PDE1A: variants seen among roughly 807,000 people sequenced by gnomAD.
PDE1A encodes the protein dual specificity calcium/calmodulin-dependent 3',5'-cyclic nucleotide phosphodiesterase 1A.
In PDE1A, 35 loss-of-function variants were observed where a neutral mutation model predicts 61.7. That is an observed-to-expected ratio of 0.57 (90% confidence interval 0.43 to 0.75). The LOEUF is 0.75. PDE1A is among the 30% of genes least tolerant of loss of function. The pLI, the probability that PDE1A is intolerant of heterozygous loss-of-function variation, is 0.00. For synonymous variants in PDE1A, 232 were observed against 213.2 expected (o/e 1.09, Z -0.77); for missense variants, 597 against 630.6 (o/e 0.95, Z 0.57).
intron 2 of PDE1A, among the ~76,000 whole-genome samples, chr2:182,483,265 A>G (rs1037427791): frequency 2.0e-5 from 3 of 151,970 alleles, no homozygotes; most frequent in Non-Finnish European, 4.4e-5. Context: ...TCAATATTTG[A>G]TAGAAAAACT....
chr2:182,690,098 G>A, the PDE1A span, among the ~76,000 whole-genome samples: 1 of 152,110 alleles, frequency 6.6e-6, no homozygotes, highest in African/African-American at 2.4e-5. Context: ...TTCTACCAGA[G>A]GTATAAGGAG....
At chr2:182,223,823 C>A in intron 7 of PDE1A, 41 bp downstream of exon 7, 1 of 1,176,652 alleles carries the variant, frequency 8.5e-7, no homozygotes, top group South Asian at 1.5e-5. Context: ...AAATAAATTT[C>A]AAATTTTAAC....
the PDE1A span, among the ~76,000 whole-genome samples, chr2:182,605,822 A>T: frequency 4.6e-5 from 7 of 152,222 alleles, no homozygotes; most frequent in Admixed American, 1.3e-4. Context: ...GTAGCTTCGA[A>T]CTAAATGTTA....
the PDE1A span, among the ~76,000 whole-genome samples, chr2:182,658,068 A>AAC: frequency 7.3e-5 from 8 of 109,782 alleles, no homozygotes; most frequent in African/African-American, 2.3e-4. Context: ...AAAAAAAAAA[A>AAC]AAAACAAAAA....
chr2:182,369,533 C>A (rs1021473275), intron 1 of PDE1A, among the ~76,000 whole-genome samples: 14 of 151,992 alleles, frequency 9.2e-5, no homozygotes, highest in African/African-American at 3.4e-4. Context: ...ACCAAGATTA[C>A]CTCTAGTGAA....
At chr2:182,644,651 G>T in the PDE1A span, among the ~76,000 whole-genome samples, 14 of 152,118 alleles carry the variant, frequency 9.2e-5, no homozygotes, top group East Asian at 2.7e-3. Context: ...ACGTCATCTC[G>T]CTGAGCCTGA....
rs186631386 is a variant in PDE1A, at chr2:182,219,324, G to A, written c.776+4540C>T. Reference sequence around the variant, plus strand: ...GAAATAAATTGGTATACTTCAAGTTGCATTGATGAATTTGGTATTCTAACT... The same window carrying A: ...GAAATAAATTGGTATACTTCAAGTTACATTGATGAATTTGGTATTCTAACT... On this transcript the variant is annotated intron_variant, in intron 7 of 13. Coordinates refer to ENST00000351439, the Ensembl canonical transcript of PDE1A. Among the ~76,000 whole-genome samples, 34 of 152,066 alleles carry A rather than the reference G, an allele frequency of 2.2e-4. No individual in the cohort carries two copies. In the East Asian group the frequency reaches 6.4e-3, roughly 28 times the overall value.
chr2:182,516,743 A>AGGAAGGAAGGAAGGAAGGAAGGAAGGAG (rs57365248), intron 2 of PDE1A, among the ~76,000 whole-genome samples: 1 of 121,704 alleles, frequency 8.2e-6, no homozygotes, highest in African/African-American at 3.2e-5. Context: ...GAAGGAAGGA[A>AGGAAGGAAGGAAGGAAGGAAGGAAGGAG]AAAGAGAGAA....
At chr2:182,426,188 G>C (rs999446739) in intron 1 of PDE1A, among the ~76,000 whole-genome samples, 1 of 152,168 alleles carries the variant, frequency 6.6e-6, no homozygotes, top group African/African-American at 2.4e-5. Flanking sequence ...CTCCAGAAAG[G>C]TGTAGTATTC....
chr2:182,709,977 AC>A, the PDE1A span, among the ~76,000 whole-genome samples: 4 of 151,784 alleles, frequency 2.6e-5, no homozygotes, highest in African/African-American at 9.7e-5. Flanking sequence ...GCTCACCACA[AC>A]CTCCGACTCC....
At chr2:182,324,198 C>T (rs913279085) in intron 1 of PDE1A, among the ~76,000 whole-genome samples, 11 of 151,806 alleles carry the variant, frequency 7.2e-5, no homozygotes, top group Middle Eastern at 3.2e-3. Flanking sequence ...ATTTCAGTTT[C>T]GTTGAGGAGG....
At position 182,516,702 on chromosome 2, in the gene PDE1A, GAGGAAGGAAGGAAGGAAGGAAGGA is replaced by G. The variant is rs199731099; in HGVS notation, c.101+5550_101+5573del. On this transcript the variant is annotated intron_variant, in intron 2 of 14. Transcript: ENST00000410103. ...GAGGGAAGGAGGGAAGGGAGGAAGG[GAGGAAGGAAGGAAGGAAGGAAGGA>G]AGGAAGGAAGGAAGGAAAAAGAGAG... 4.3e-5 allele frequency among the ~76,000 whole-genome samples: 5 copies of G among 116,848 alleles called. No individual in the cohort carries two copies. In the East Asian group the frequency reaches 7.3e-4, roughly 17 times the overall value. 76.7% of individuals were successfully genotyped at this position (116,848 alleles called of 152,430 possible). A position where few individuals can be genotyped will look rare whatever the true frequency, so the allele number is the denominator to read the frequency against.
At chr2:182,367,734 TA>T (rs1699915157) in intron 1 of PDE1A, among the ~76,000 whole-genome samples, 1 of 151,808 alleles carries the variant, frequency 6.6e-6, no homozygotes, top group African/African-American at 2.4e-5. Context: ...ATTGAAAAAA[TA>T]AAATTATATT....
At chr2:182,699,338 A>G in the PDE1A span, among the ~76,000 whole-genome samples, 1 of 152,224 alleles carries the variant, frequency 6.6e-6, no homozygotes, top group East Asian at 1.9e-4. Context: ...ACTAAGTGTC[A>G]CATTTTGGTA....
chr2:182,198,241 C>G (rs946197570), intron 10 of PDE1A, among the ~76,000 whole-genome samples: 1 of 151,912 alleles, frequency 6.6e-6, no homozygotes, highest in African/African-American at 2.4e-5. Context: ...AACTAATAAA[C>G]TCATTTATTA....
chr2:182,682,452 T>C, the PDE1A span, among the ~76,000 whole-genome samples: 3 of 152,200 alleles, frequency 2.0e-5, no homozygotes, highest in Non-Finnish European at 4.4e-5. Context: ...AAGGGTCTGG[T>C]GTCTTATTTT....
chr2:182,386,434 G>A (rs1574515907), intron 1 of PDE1A, among the ~76,000 whole-genome samples: 1 of 151,788 alleles, frequency 6.6e-6, no homozygotes, highest in East Asian at 2.0e-4. Context: ...CGTCTGAGAT[G>A]TGGGGAGCAC....
chr2:182,622,329 A>G, the PDE1A span, among the ~76,000 whole-genome samples: 1 of 152,208 alleles, frequency 6.6e-6, no homozygotes, highest in Non-Finnish European at 1.5e-5. Flanking sequence ...AGTGGGGTAT[A>G]TTTTTAAAAA....
upstream of PDE1A, among the ~76,000 whole-genome samples, chr2:182,524,716 T>C (rs542207004): frequency 6.6e-6 from 1 of 152,246 alleles, no homozygotes; most frequent in African/African-American, 2.4e-5. Flanking sequence ...AGAATTCAAA[T>C]CATTTTTCTT....
Sources: gnomAD v4.1 joint callset for allele counts (sites outside exome capture counted in the v4.1 genomes callset) on GRCh38, gnomAD v4.1.1 for gene constraint, MANE v1.5 for transcripts, NCBI Gene and HGNC (gene_info 2026-07-23, HGNC 2026-07-21) for gene names.